The following HCN1 variants were observed in gnomAD, a reference collection of about 807,000 sequenced individuals.
HCN1 encodes the protein potassium/sodium hyperpolarization-activated cyclic nucleotide-gated channel 1.
A neutral mutation model predicts 78.9 loss-of-function variants in HCN1; 13 were observed. That is an observed-to-expected ratio of 0.16 (90% CI 0.11 to 0.26). The LOEUF is 0.26. HCN1 is among the 10% of genes least tolerant of loss of function. HCN1 has a pLI of 1.00. For missense variants in HCN1, 810 were observed against 1,154.3 expected, an observed-to-expected ratio of 0.70 and a Z score of 4.32; for synonymous variants, 552 against 455.5, an observed-to-expected ratio of 1.21 and a Z score of -2.70.
In HCN1 at chr5:45,261,367, G is replaced by C. The variant is rs1355128660; in HGVS notation, c.*554C>G. On this transcript the variant is annotated 3_prime_UTR_variant, in exon 8 of 8. Coordinates refer to ENST00000303230, the MANE Select transcript of HCN1 (RefSeq NM_021072.4). ...CTAGTCTCCTACGGTGGCCAAGCAA[G>C]TAGTGCATTCTTTAACCTAATTTGA... The C allele has an allele frequency of 1.3e-5, 2 of 153,176 alleles. No individual in the cohort carries two copies. 9.5% of individuals were successfully genotyped at this position (153,176 alleles called of 1,614,324 possible).
At chr5:45,655,446 G>A (rs1745746511) in intron 1 of HCN1, among the ~76,000 whole-genome samples, 1 of 152,026 alleles carries the variant, frequency 6.6e-6, no homozygotes, top group African/African-American at 2.4e-5. Context: ...ACCAATTTCT[G>A]TACTTGCACT....
intron 2 of HCN1, among the ~76,000 whole-genome samples, chr5:45,583,840 T>C (rs568796573): frequency 1.1e-4 from 16 of 152,324 alleles, no homozygotes; most frequent in African/African-American, 3.8e-4. Flanking sequence ...CAGTTTTGAG[T>C]GAGTTTCTTA....
chr5:45,505,682 T>C (rs186294747), intron 2 of HCN1, among the ~76,000 whole-genome samples: 127 of 152,280 alleles, frequency 8.3e-4, no homozygotes, highest in Middle Eastern at 3.4e-3. Flanking sequence ...ATATATTTAG[T>C]TAAAAAATGA....
intron 2 of HCN1, among the ~76,000 whole-genome samples, chr5:45,499,287 C>T (rs1240313467): frequency 6.6e-6 from 1 of 152,198 alleles, no homozygotes; most frequent in East Asian, 1.9e-4. Flanking sequence ...ATATAATCTC[C>T]TGGTGCGCCG....
chr5:45,310,865 G>T (rs1442333821), intron 5 of HCN1, among the ~76,000 whole-genome samples: 1 of 152,074 alleles, frequency 6.6e-6, no homozygotes, highest in Non-Finnish European at 1.5e-5. Context: ...CTTTTGCAGG[G>T]ACATGGATGG....
At position 45,262,500 on chromosome 5, in the gene HCN1, G is replaced by A; in HGVS notation, c.2094C>T (p.Ser698=). Residue 698 remains serine, a synonymous_variant, in exon 8 of 8, where the codon TCC becomes TCT. Transcript: ENST00000303230. ...PQPSAILSPC[S]YTTAVCSPPV... ...GAGGGCTGCAGACCGCGGTGGTGTAGGAGCAGGGTGACAGGATGGCTGATG... is the reference window on the plus strand; with the variant it reads ...GAGGGCTGCAGACCGCGGTGGTGTAAGAGCAGGGTGACAGGATGGCTGATG... The A allele has an allele frequency of 6.2e-7, 1 of 1,613,702 alleles. No individual in the cohort carries two copies. Among genetic ancestry groups the A allele is most frequent in the Non-Finnish European group, 8.5e-7 (1 of 1,179,956 alleles).
chr5:45,309,013 C>T (rs574477696), intron 5 of HCN1, among the ~76,000 whole-genome samples: 1 of 152,030 alleles, frequency 6.6e-6, no homozygotes, highest in Non-Finnish European at 1.5e-5. Flanking sequence ...GAATGTTTTT[C>T]CATTTGTTTG....
At chr5:45,492,460 C>T (rs1315267146) in intron 2 of HCN1, among the ~76,000 whole-genome samples, 4 of 143,528 alleles carry the variant, frequency 2.8e-5, no homozygotes, top group African/African-American at 7.7e-5. Context: ...TATCCATGCT[C>T]GTCAAAGTTC....
chr5:45,555,831 A>G (rs1016302244), intron 2 of HCN1, among the ~76,000 whole-genome samples: 14 of 152,000 alleles, frequency 9.2e-5, no homozygotes, highest in African/African-American at 3.4e-4. Context: ...GGTAAGCAAA[A>G]AAAGCATGGT....
At chr5:45,373,923 A>T (rs535961951) in intron 4 of HCN1, among the ~76,000 whole-genome samples, 1 of 129,510 alleles carries the variant, frequency 7.7e-6, no homozygotes, top group African/African-American at 2.9e-5. Context: ...CGGTATATAC[A>T]TCATATATAT....
At chr5:45,659,999 T>G (rs972100173) in intron 1 of HCN1, among the ~76,000 whole-genome samples, 18 of 141,876 alleles carry the variant, frequency 1.3e-4, no homozygotes, top group Non-Finnish European at 2.4e-4. Context: ...AGACACATAA[T>G]TGTCAGATTC....
chr5:45,570,961 G>A (rs374744678), intron 2 of HCN1, among the ~76,000 whole-genome samples: 1 of 151,928 alleles, frequency 6.6e-6, no homozygotes, highest in African/African-American at 2.4e-5. Context: ...ATACTTATGA[G>A]GATTATGGAC....
At chr5:45,373,144 AAT>A (rs1409912541) in intron 4 of HCN1, among the ~76,000 whole-genome samples, 5 of 123,450 alleles carry the variant, frequency 4.1e-5, no homozygotes, top group Admixed American at 2.8e-4. Context: ...TATAGTATAT[AAT>A]ATATATAAAA....
chr5:45,415,859 A>G (rs997920190), intron 3 of HCN1, among the ~76,000 whole-genome samples: 6 of 152,030 alleles, frequency 3.9e-5, no homozygotes, highest in Non-Finnish European at 8.8e-5. Context: ...AGAGTGATTG[A>G]TATGAGTGGT....
At chr5:45,275,399 A>C (rs1745036261) in intron 6 of HCN1, among the ~76,000 whole-genome samples, 1 of 152,214 alleles carries the variant, frequency 6.6e-6, no homozygotes, top group Admixed American at 6.5e-5. Context: ...TCCAATTGAC[A>C]GAAGTTATAA....
intron 5 of HCN1, among the ~76,000 whole-genome samples, chr5:45,315,793 C>A (rs1164886135): frequency 2.6e-5 from 4 of 152,108 alleles, no homozygotes; most frequent in African/African-American, 9.7e-5. Flanking sequence ...CACCTCTATG[C>A]AAATAAACTA....
chr5:45,588,319 C>T (rs1744283801), intron 2 of HCN1, among the ~76,000 whole-genome samples: 1 of 152,160 alleles, frequency 6.6e-6, no homozygotes, highest in African/African-American at 2.4e-5. Flanking sequence ...GTGAGTACTT[C>T]AGACTGAAAC....
chr5:45,429,083 T>C (rs1375130079), intron 3 of HCN1, among the ~76,000 whole-genome samples: 1 of 152,154 alleles, frequency 6.6e-6, no homozygotes, highest in South Asian at 2.1e-4. Context: ...CTTTAGAGGT[T>C]TGAATTATTA....
intron 4 of HCN1, among the ~76,000 whole-genome samples, chr5:45,380,955 G>A (rs1285659101): frequency 6.6e-6 from 1 of 152,114 alleles, no homozygotes; most frequent in Non-Finnish European, 1.5e-5. Flanking sequence ...TGTGCTGTGA[G>A]CACAGTGATA....
Sources: allele counts gnomAD v4.1 joint callset (sites outside exome capture counted in the v4.1 genomes callset), GRCh38; gene constraint gnomAD v4.1.1; transcripts MANE v1.5; gene names NCBI Gene and HGNC (gene_info 2026-07-23, HGNC 2026-07-21).